The following CNTNAP2 variants were observed in gnomAD, a reference collection of about 807,000 sequenced individuals.
The protein encoded by CNTNAP2 is contactin-associated protein-like 2.
CNTNAP2 carries 98 observed loss-of-function variants against 155.2 expected under a neutral mutation model. The ratio of observed to expected loss-of-function variants is 0.63; its 90% CI spans 0.54 to 0.75. CNTNAP2 has a LOEUF of 0.75. Ranked by LOEUF, CNTNAP2 falls within the 30% of genes least tolerant of loss-of-function variation. The pLI is 0.00. For missense variants in CNTNAP2, 1,727 were observed against 1,688.1 expected (o/e 1.02, Z -0.40); for synonymous variants, 651 against 631.2 (o/e 1.03, Z -0.47).
chr7:147,729,254 G>C (rs1796695825), intron 13 of CNTNAP2, among the ~76,000 whole-genome samples: 1 of 151,666 alleles, frequency 6.6e-6, no homozygotes, highest in Non-Finnish European at 1.5e-5. Flanking sequence ...GCGTATTAAA[G>C]GAAGTAATTT....
At chr7:146,976,199 A>G (rs1157938520) in intron 3 of CNTNAP2, among the ~76,000 whole-genome samples, 4 of 152,220 alleles carry the variant, frequency 2.6e-5, no homozygotes, top group Non-Finnish European at 5.9e-5. Flanking sequence ...CTTCTCTCGC[A>G]CTACAACAGT....
chr7:147,506,535 G>A (rs543325581), intron 11 of CNTNAP2, among the ~76,000 whole-genome samples: 19 of 152,178 alleles, frequency 1.2e-4, no homozygotes, highest in South Asian at 6.2e-4. Context: ...GATTACAGGC[G>A]TGAGCCACCA....
At chr7:147,928,709 CCTGA>C (rs1412589492) in intron 14 of CNTNAP2, among the ~76,000 whole-genome samples, 4 of 152,130 alleles carry the variant, frequency 2.6e-5, no homozygotes, top group African/African-American at 9.7e-5. Context: ...AACTGCTCTA[CCTGA>C]CTATGTAGTG....
At chr7:146,914,604 G>A (rs1796357108) in intron 3 of CNTNAP2, among the ~76,000 whole-genome samples, 1 of 151,984 alleles carries the variant, frequency 6.6e-6, no homozygotes, top group Non-Finnish European at 1.5e-5. Flanking sequence ...CTTCCTTTGA[G>A]AATTGTATAT....
At chr7:146,985,675 A>T (rs1456000667) in intron 3 of CNTNAP2, among the ~76,000 whole-genome samples, 4 of 152,186 alleles carry the variant, frequency 2.6e-5, no homozygotes, top group Admixed American at 2.6e-4. Flanking sequence ...AAACAATCAT[A>T]TTCAGTAAAG....
chr7:146,146,269 A>G (rs755517945), intron 1 of CNTNAP2, among the ~76,000 whole-genome samples: 4 of 152,176 alleles, frequency 2.6e-5, no homozygotes, highest in Non-Finnish European at 5.9e-5. Context: ...AAGATATTTC[A>G]ATATTATATT....
chr7:147,363,609 A>G (rs1796180011), intron 9 of CNTNAP2, among the ~76,000 whole-genome samples: 1 of 152,186 alleles, frequency 6.6e-6, no homozygotes, highest in Admixed American at 6.5e-5. Context: ...TTCAGTCATC[A>G]CCAAATAGAC....
intron 10 of CNTNAP2, among the ~76,000 whole-genome samples, chr7:147,397,317 T>C (rs1796835685): frequency 6.6e-6 from 1 of 152,202 alleles, no homozygotes; most frequent in South Asian, 2.1e-4. Flanking sequence ...TCAGAAAAGC[T>C]GAGATGAATG....
intron 1 of CNTNAP2, among the ~76,000 whole-genome samples, chr7:146,347,115 T>G (rs1794830433): frequency 7.5e-6 from 1 of 133,252 alleles, no homozygotes; most frequent in African/African-American, 2.9e-5. Flanking sequence ...GCCAGGATAG[T>G]GTGGTTAGGA....
intron 18 of CNTNAP2, among the ~76,000 whole-genome samples, chr7:148,178,529 T>C (rs1794984564): frequency 6.6e-6 from 1 of 152,216 alleles, no homozygotes; most frequent in Admixed American, 6.5e-5. Context: ...AGTTAGCTAA[T>C]ATTTTATAAT....
chr7:147,351,715 T>A (rs55656746), intron 9 of CNTNAP2, among the ~76,000 whole-genome samples: 2,261 of 151,898 alleles, frequency 0.015, 56 homozygotes, highest in African/African-American at 0.052. Context: ...TTTGTATTGA[T>A]GCACTAGAAC....
chr7:147,296,355 G>A (rs1370385652), intron 8 of CNTNAP2, among the ~76,000 whole-genome samples: 2 of 152,170 alleles, frequency 1.3e-5, no homozygotes, highest in Non-Finnish European at 2.9e-5. Context: ...AATTCCTTGG[G>A]AATACCCAAA....
At chr7:147,538,419 A>G (rs1449463130) in intron 11 of CNTNAP2, among the ~76,000 whole-genome samples, 2 of 152,202 alleles carry the variant, frequency 1.3e-5, no homozygotes, top group African/African-American at 4.8e-5. Flanking sequence ...TGGAAGGCCA[A>G]GGAGGAAGGA....
intron 2 of CNTNAP2, among the ~76,000 whole-genome samples, chr7:146,829,719 G>C (rs964084720): frequency 5.3e-4 from 80 of 151,954 alleles, no homozygotes; most frequent in African/African-American, 1.9e-3. Flanking sequence ...TTTGAAGAGT[G>C]GAAGATGGAA....
chr7:147,050,137 C>T (rs929973035), intron 4 of CNTNAP2, among the ~76,000 whole-genome samples: 15 of 152,162 alleles, frequency 9.9e-5, no homozygotes, highest in Admixed American at 7.9e-4. Flanking sequence ...TAAAACTTAG[C>T]AATATGTCCC....
chr7:147,879,995 T>C (rs1481693951), intron 13 of CNTNAP2, among the ~76,000 whole-genome samples: 1 of 152,136 alleles, frequency 6.6e-6, no homozygotes, highest in East Asian at 1.9e-4. Flanking sequence ...AAAAATGAAA[T>C]TGAAAACAGT....
intron 13 of CNTNAP2, among the ~76,000 whole-genome samples, chr7:147,876,202 C>A (rs563907695): frequency 5.9e-5 from 9 of 152,118 alleles, no homozygotes; most frequent in Non-Finnish European, 8.8e-5. Context: ...TGCTCTCTCA[C>A]GTCACTTTCT....
intron 9 of CNTNAP2, among the ~76,000 whole-genome samples, chr7:147,303,228 T>C (rs1228876116): frequency 6.6e-6 from 1 of 152,228 alleles, no homozygotes; most frequent in Non-Finnish European, 1.5e-5. Flanking sequence ...GATATCTCCT[T>C]TCTAACATTT....
At chr7:146,397,848 T>G (rs1795652852) in intron 1 of CNTNAP2, among the ~76,000 whole-genome samples, 1 of 151,594 alleles carries the variant, frequency 6.6e-6, no homozygotes, top group Admixed American at 6.6e-5. Context: ...CAATATTAAT[T>G]TTGTATACCA....
Sources: allele counts gnomAD v4.1 joint callset (sites outside exome capture counted in the v4.1 genomes callset), GRCh38; gene constraint gnomAD v4.1.1; transcripts MANE v1.5; gene names NCBI Gene and HGNC (gene_info 2026-07-23, HGNC 2026-07-21).